Variants in IKBKG observed in about 807,000 individuals in gnomAD.
The protein encoded by IKBKG is inhibitor of nuclear factor kappa B kinase regulatory subunit gamma, also known as NF-kappa-B essential modulator.
Under a neutral mutation model 13.7 loss-of-function variants are expected in IKBKG, and 2 were observed. The observed-to-expected ratio is 0.15, with a 90% CI of 0.06 to 0.46. The LOEUF (loss-of-function observed/expected upper bound fraction) is 0.46. Among genes scored for constraint, IKBKG ranks in the 20% least tolerant of loss-of-function variants. The probability of loss-of-function intolerance (pLI) is 0.98; values close to 1 mark genes in which losing one functional copy is unlikely to be tolerated. For synonymous variants in IKBKG, 22 were observed against 64.4 expected (o/e 0.34, Z 3.15); for missense variants, 53 against 150.3 (o/e 0.35, Z 3.39).
At chrX:154,544,590 C>T (rs909162839), upstream of IKBKG, among the ~76,000 whole-genome samples, 1 of 112,619 alleles carries the variant, frequency 8.9e-6, no homozygotes, top group Non-Finnish European at 1.9e-5. Flanking sequence ...CCACCGTGCC[C>T]GGCCAGGTAT....
chrX:154,547,288 C>A (rs1387461987), upstream of IKBKG: 35 of 738,103 alleles, frequency 4.7e-5, no homozygotes, highest in Non-Finnish European at 5.4e-5. Context: ...CCGCGCCACT[C>A]CCCCGGGAAC....
intron 1 of IKBKG, 80 bp downstream of exon 1, chrX:154,547,825 T>TC (rs1430150551): frequency 1.3e-6 from 1 of 753,237 alleles, no homozygotes. Context: ...ACGTTCAGGC[T>TC]CCCCCCTCTT....
upstream of IKBKG, chrX:154,542,547 A>G: frequency 1.1e-5 from 11 of 1,040,922 alleles, no homozygotes; most frequent in Non-Finnish European, 1.4e-5. Context: ...CAGGGCCCCC[A>G]GGAAGGAAGC....
chrX:154,551,839 C>T, intron 1 of IKBKG, 149 bp from the exon 2 acceptor site: 1 of 402,647 alleles, frequency 2.5e-6, no homozygotes, highest in Non-Finnish European at 4.1e-6. Flanking sequence ...TATCTGCTAC[C>T]CCTTAGACTG....
At chrX:154,542,242 G>A (rs781836293) in intron 1 of IKBKG, 6 of 1,038,389 alleles carry the variant, frequency 5.8e-6, no homozygotes, top group African/African-American at 1.9e-5. Flanking sequence ...ATTGGGATGC[G>A]TCCTGAACGC....
At chrX:154,542,829 T>C (rs782091279), upstream of IKBKG, among the ~76,000 whole-genome samples, 1 of 112,145 alleles carries the variant, frequency 8.9e-6, no homozygotes, top group Admixed American at 9.5e-5. Flanking sequence ...CATGTGTATC[T>C]TCTGAAACAC....
At chrX:154,548,485 G>C (rs1557234268) in intron 1 of IKBKG, among the ~76,000 whole-genome samples, 1 of 112,902 alleles carries the variant, frequency 8.9e-6, no homozygotes, top group East Asian at 2.7e-4. Flanking sequence ...ATCCAGCTCA[G>C]AGACAGTGCT....
At chrX:154,547,415 G>C (rs2070774423), upstream of IKBKG, 1 of 754,164 alleles carries the variant, frequency 1.3e-6, no homozygotes, top group South Asian at 6.7e-5. Context: ...CGAGAGACGA[G>C]GGGGCGTGTA....
chrX:154,542,775 CTT>C (rs1377841033), upstream of IKBKG, among the ~76,000 whole-genome samples: 1 of 111,880 alleles, frequency 8.9e-6, no homozygotes, highest in African/African-American at 3.3e-5. Context: ...TCCCGGCCCT[CTT>C]TGTGGGATCT....
At chrX:154,546,729 C>T (rs2070731046), upstream of IKBKG, 1 of 944,082 alleles carries the variant, frequency 1.1e-6, no homozygotes, top group African/African-American at 1.9e-5. Context: ...TTTACCGCCG[C>T]GCGGCGCAGC....
At chrX:154,550,234 T>TTG (rs371906365) in intron 1 of IKBKG, among the ~76,000 whole-genome samples, 1,298 of 99,500 alleles carry the variant, frequency 0.013, 12 homozygotes, top group South Asian at 0.026. Context: ...AGATGTGCTC[T>TTG]TGTGTGTGTG....
At chrX:154,552,668 G>C (rs902754488) in intron 2 of IKBKG, among the ~76,000 whole-genome samples, 16 of 110,492 alleles carry the variant, frequency 1.4e-4, no homozygotes, top group Non-Finnish European at 3.1e-4. Flanking sequence ...GGCGTGGTCT[G>C]TCTTGGGAAG....
Position 154,547,648 on chromosome X carries a change from G to A in IKBKG, c.-113G>A. ...AGCCGGAAGCGTGGTAGGGAAGGGC[G>A]ACCGCGAAACTGGGACTTTCTCGGA... On this transcript the variant is annotated 5_prime_UTR_variant, in exon 1 of 10. Transcript: ENST00000594239. 1 of 754,802 alleles carries A rather than the reference G, an allele frequency of 1.3e-6. No individual in the cohort carries two copies. The highest frequency in any genetic ancestry group is 1.6e-6 in the Non-Finnish European group (1 of 639,421). 62.2% of individuals were successfully genotyped at this position (754,802 alleles called of 1,213,427 possible).
At chrX:154,544,904 G>A (rs908891482), upstream of IKBKG, among the ~76,000 whole-genome samples, 37 of 112,619 alleles carry the variant, frequency 3.3e-4, no homozygotes, top group African/African-American at 1.2e-3. Context: ...AGGGGCGCAC[G>A]ATGTGGAAGA....
intron 2 of IKBKG, among the ~76,000 whole-genome samples, chrX:154,553,126 G>C (rs1196791787): frequency 3.6e-5 from 4 of 112,531 alleles, no homozygotes; most frequent in Non-Finnish European, 7.5e-5. Flanking sequence ...TTCATCCTTT[G>C]GTTCCTGCTG....
At chrX:154,546,957 C>T (rs1391762841), upstream of IKBKG, 2 of 363,542 alleles carry the variant, frequency 5.5e-6, no homozygotes, top group Non-Finnish European at 8.1e-6. Context: ...GCCACCACCC[C>T]TCGTGCGGGC....
At chrX:154,542,412 G>A (rs782201526), upstream of IKBKG, 2 of 1,197,125 alleles carry the variant, frequency 1.7e-6, no homozygotes, top group Non-Finnish European at 2.2e-6. Flanking sequence ...TGTTCCAGGC[G>A]CACACTAGTC....
chrX:154,542,890 C>T (rs894404642), upstream of IKBKG, among the ~76,000 whole-genome samples: 3 of 112,057 alleles, frequency 2.7e-5, no homozygotes, highest in East Asian at 2.8e-4. Flanking sequence ...GTTCCCTGGC[C>T]GCAATAGCAC....
At chrX:154,545,967 A>C, upstream of IKBKG, 1 of 1,180,792 alleles carries the variant, frequency 8.5e-7, no homozygotes, top group Non-Finnish European at 1.1e-6. Context: ...TGCAACAATT[A>C]GTTGGAAAAG....
Sources: gnomAD v4.1 joint callset for allele counts (sites outside exome capture counted in the v4.1 genomes callset) on GRCh38, gnomAD v4.1.1 for gene constraint, MANE v1.5 for transcripts, NCBI Gene and HGNC (gene_info 2026-07-23, HGNC 2026-07-21) for gene names.